Variants in PRKN observed in about 807,000 individuals in gnomAD.
PRKN encodes E3 ubiquitin-protein ligase parkin.
In PRKN, 56 loss-of-function variants were observed where a neutral mutation model predicts 59.5. The observed-to-expected ratio is 0.94, with a 90% CI of 0.76 to 1.18. The LOEUF (loss-of-function observed/expected upper bound fraction) is 1.18. PRKN is among the 50% of genes most tolerant of loss of function. The pLI, the probability that PRKN is intolerant of heterozygous loss-of-function variation, is 0.00. For synonymous variants in PRKN, 250 were observed against 222.1 expected (o/e 1.13, Z -1.12); for missense variants, 657 against 596.4 (o/e 1.10, Z -1.06).
At position 161,579,790 on chromosome 6, in the gene PRKN, T is replaced by C. The variant is rs1334138980; in HGVS notation, c.872-10374A>G. Among the ~76,000 whole-genome samples, 2 of 152,334 alleles carry C rather than the reference T, an allele frequency of 1.3e-5. No individual in the cohort carries two copies. Among genetic ancestry groups the C allele is most frequent in the Admixed American group, 1.3e-4 (2 of 15,302 alleles). On this transcript the variant is annotated intron_variant, in intron 7 of 11. Coordinates refer to ENST00000366898, the MANE Select transcript of PRKN (RefSeq NM_004562.3). This position sits in a 1 kb window ranked among gnomAD's most constrained non-coding sequence, Gnocchi z 4.2. ...AGTTTATAGTTTTACAAGTACTTAA[T>C]GGTATTTTTTGTTTTTGAATTTTGT...
Position 161,652,917 on chromosome 6 carries a change from C to T in PRKN, c.872-83501G>A, listed in dbSNP as rs116380228. ...AATTCAACATAGTTTTTCAAACTGA[C>T]GAAAAGTACCTAGATGGCATTAAAC... On this transcript the variant is annotated intron_variant, in intron 7 of 11. Coordinates refer to ENST00000366898, the MANE Select transcript of PRKN (RefSeq NM_004562.3). 3.0e-4 allele frequency among the ~76,000 whole-genome samples: 46 copies of T among 152,232 alleles called. 1 individual carries two copies. Among genetic ancestry groups the T allele is most frequent in the African/African-American group, 1.0e-3 (43 of 41,540 alleles).
At chr6:162,455,114 G>A (rs532951421) in intron 1 of PRKN, among the ~76,000 whole-genome samples, 3 of 152,248 alleles carry the variant, frequency 2.0e-5, no homozygotes, top group African/African-American at 4.8e-5. Flanking sequence ...TTCCTCCTCA[G>A]GGAAGTTCTC....
intron 1 of PRKN, among the ~76,000 whole-genome samples, chr6:162,726,444 T>C (rs1037011684): frequency 2.0e-5 from 3 of 152,136 alleles, no homozygotes; most frequent in East Asian, 3.8e-4. Context: ...ATTTTTTTCG[T>C]AATTTGATTA....
At chr6:162,412,684 A>C (rs1788408246) in intron 2 of PRKN, among the ~76,000 whole-genome samples, 1 of 152,170 alleles carries the variant, frequency 6.6e-6, no homozygotes, top group Admixed American at 6.5e-5. Flanking sequence ...CTTGACAGAG[A>C]GCTCTTCTTC....
intron 2 of PRKN, among the ~76,000 whole-genome samples, chr6:162,413,416 T>C (rs945257905): frequency 2.0e-5 from 3 of 152,088 alleles, no homozygotes; most frequent in African/African-American, 7.2e-5. Flanking sequence ...CTTGAAACAT[T>C]TGTGAAATAT....
chr6:162,661,577 G>A lies in PRKN; in HGVS notation c.7+66085C>T, dbSNP rs112318391. On this transcript the variant is annotated intron_variant, in intron 1 of 11. Coordinates refer to ENST00000366898, the MANE Select transcript of PRKN (RefSeq NM_004562.3). ...CCTGAGCACAGAGGTTTCTTTACTA[G>A]AAGTAACCAAACAGATTCTAAACTC... is the stretch of plus-strand genomic sequence containing the variant. Among the ~76,000 whole-genome samples the A allele has an allele frequency of 5.7e-3, 866 of 152,256 alleles. 7 individuals are homozygous for A. The highest frequency in any genetic ancestry group is 8.4e-3 in the Non-Finnish European group (568 of 68,014).
rs1786283325 is a variant in PRKN, at chr6:161,386,980, G to GCAACAGTTT, written c.1084-112_1084-104dup. The GCAACAGTTT allele has an allele frequency of 2.3e-5, 21 of 913,172 alleles. No homozygotes were observed. The highest frequency in any genetic ancestry group is 3.7e-5 in the Non-Finnish European group (20 of 546,288). 56.6% of individuals were successfully genotyped at this position (913,172 alleles called of 1,614,324 possible). A position where few individuals can be genotyped will look rare whatever the true frequency, so the allele number is the denominator to read the frequency against. On this transcript the variant is annotated intron_variant, in intron 9 of 11. Coordinates refer to ENST00000366898, the MANE Select transcript of PRKN (RefSeq NM_004562.3). The surrounding 1 kb of genome is among the most constrained non-coding windows in gnomAD (Gnocchi z 4.3). ...CATTATATTCATTCCTCTGGCTTGT[G>GCAACAGTTT]CAACAGTTTCTGTATAAAAATACTT...
chr6:162,397,040 G>C (rs760505), intron 2 of PRKN, among the ~76,000 whole-genome samples: 70,802 of 151,894 alleles, frequency 0.47, 17,973 homozygotes, highest in East Asian at 0.7. Context: ...CGAGGACAGC[G>C]CAATAAGGGT....
chr6:161,902,552 A>ATCTATCTATCTAT (rs1343265664), intron 6 of PRKN, among the ~76,000 whole-genome samples: 28 of 121,080 alleles, frequency 2.3e-4, no homozygotes, highest in African/African-American at 7.5e-4. Flanking sequence ...CTATCTATTT[A>ATCTATCTATCTAT]TTTATTTATT....
At chr6:162,158,438 T>C (rs111296997) in intron 4 of PRKN, among the ~76,000 whole-genome samples, 2,032 of 149,658 alleles carry the variant, frequency 0.014, 47 homozygotes, top group African/African-American at 0.04. Flanking sequence ...TTTTTTCTTT[T>C]GGTTTGTTTT....
At position 161,825,391 on chromosome 6, in the gene PRKN, C is replaced by G. The variant is rs374507562; in HGVS notation, c.735-39483G>C. Among the ~76,000 whole-genome samples the G allele has an allele frequency of 7.9e-5, 12 of 152,248 alleles. No homozygotes were observed. The South Asian group carries it at 1.0e-3, about 13-fold the overall frequency. On this transcript the variant is annotated intron_variant, in intron 6 of 11. Transcript: ENST00000366898. The stretch of plus-strand genomic sequence containing the variant: ...CAAATGGTGTAATTTAAGATCCCCA[C>G]AAAATCTGAACTTGTCTCTGCTTAG...
chr6:161,660,611 G>A (rs1199159953), intron 7 of PRKN, among the ~76,000 whole-genome samples: 2 of 152,118 alleles, frequency 1.3e-5, no homozygotes, highest in African/African-American at 4.8e-5. Flanking sequence ...GACGTGAACA[G>A]CGGCAGTGGC....
Position 161,362,347 on chromosome 6 carries a change from C to T in PRKN, c.1168-2142G>A, listed in dbSNP as rs1288809086. Among the ~76,000 whole-genome samples the T allele has an allele frequency of 6.6e-6, 1 of 152,186 alleles. No homozygotes were observed. Among genetic ancestry groups the T allele is most frequent in the African/African-American group, 2.4e-5 (1 of 41,452 alleles). On this transcript the variant is annotated intron_variant, in intron 10 of 11. Coordinates refer to ENST00000366898, the MANE Select transcript of PRKN (RefSeq NM_004562.3). The surrounding 1 kb of genome is among the most constrained non-coding windows in gnomAD (Gnocchi z 5.2). The stretch of plus-strand genomic sequence containing the variant: ...AACCTGGCATTTGCTGTGGGGCTAT[C>T]TTCTTAGTCCCGCGCTGCCCATCAT...
intron 1 of PRKN, among the ~76,000 whole-genome samples, chr6:162,667,857 G>T (rs1468927523): frequency 6.6e-6 from 1 of 152,068 alleles, no homozygotes; most frequent in Non-Finnish European, 1.5e-5. Flanking sequence ...ATCTCTTAGG[G>T]TTGTTATGAA....
chr6:162,147,614 T>C (rs533995988), intron 4 of PRKN, among the ~76,000 whole-genome samples: 1 of 152,268 alleles, frequency 6.6e-6, no homozygotes, highest in African/African-American at 2.4e-5. Flanking sequence ...CAGATTTATA[T>C]TTTTTCTTTA....
At chr6:162,248,925 C>A (rs1389265166) in intron 3 of PRKN, among the ~76,000 whole-genome samples, 2 of 151,562 alleles carry the variant, frequency 1.3e-5, no homozygotes, top group Non-Finnish European at 2.9e-5. Context: ...TGTCACCAGG[C>A]TGGAGTGCAG....
At chr6:162,058,328 T>G (rs1777948998) in intron 4 of PRKN, among the ~76,000 whole-genome samples, 1 of 152,164 alleles carries the variant, frequency 6.6e-6, no homozygotes, top group South Asian at 2.1e-4. Flanking sequence ...ATTAGGTAAT[T>G]GTCGGGCCTT....
intron 7 of PRKN, among the ~76,000 whole-genome samples, chr6:161,646,590 C>T (rs1012569630): frequency 9.3e-5 from 14 of 150,478 alleles, no homozygotes; most frequent in Non-Finnish European, 1.6e-4. Flanking sequence ...CGTGTGCGTG[C>T]GTGGCGGAGG....
At chr6:161,482,137 T>C (rs1233815501) in intron 9 of PRKN, among the ~76,000 whole-genome samples, 1 of 152,212 alleles carries the variant, frequency 6.6e-6, no homozygotes, top group Non-Finnish European at 1.5e-5. Flanking sequence ...AATTTATCAA[T>C]TTTTGAAAAC....
Sources: gnomAD v4.1 joint callset for allele counts (sites outside exome capture counted in the v4.1 genomes callset) on GRCh38, gnomAD v4.1.1 for gene constraint, Gnocchi (gnomAD v3.1) non-coding constraint, MANE v1.5 for transcripts, NCBI Gene and HGNC (gene_info 2026-07-23, HGNC 2026-07-21) for gene names.